Variants in DHRSX observed in about 807,000 individuals in gnomAD.
The protein encoded by DHRSX is polyprenol dehydrogenase.
A neutral mutation model predicts 34.0 loss-of-function variants in DHRSX; 31 were observed. The ratio of observed to expected loss-of-function variants is 0.91; its 90% CI spans 0.69 to 1.23. The LOEUF is 1.23. Among genes scored for constraint, DHRSX ranks in the 50% most tolerant of loss-of-function variants. The pLI, the probability that DHRSX is intolerant of heterozygous loss-of-function variation, is 0.00. For missense variants in DHRSX, 414 were observed against 428.1 expected, an observed-to-expected ratio of 0.97 and a Z score of 0.29; for synonymous variants, 201 against 183.8, an observed-to-expected ratio of 1.09 and a Z score of -0.76.
chrX:2,326,985 G>T (rs949515570), intron 3 of DHRSX, among the ~76,000 whole-genome samples: 1 of 151,804 alleles, frequency 6.6e-6, no homozygotes, highest in African/African-American at 2.4e-5. Context: ...CTAATTTTTC[G>T]TATTTTTAGT....
rs573970966 is a variant in DHRSX at position 2,257,191 on chromosome X, T to G, written c.596+9549A>C. Among the ~76,000 whole-genome samples, 16 of 152,308 alleles carry G rather than the reference T, an allele frequency of 1.1e-4. No homozygotes were observed. The South Asian group carries it at 3.3e-3, about 32-fold the overall frequency. ...GGCTGGTCTTGAACTCCTGACCTTGTGATCCACCTGCCTCGGCCTCCCGAA... is the reference window on the plus strand; with the variant it reads ...GGCTGGTCTTGAACTCCTGACCTTGGGATCCACCTGCCTCGGCCTCCCGAA... On this transcript the variant is annotated intron_variant, in intron 5 of 6. Transcript: ENST00000334651.
intron 6 of DHRSX, among the ~76,000 whole-genome samples, chrX:2,242,195 G>A (rs1391744831): frequency 1.3e-5 from 2 of 151,998 alleles, no homozygotes; most frequent in East Asian, 3.9e-4. Context: ...TATTTTGTGC[G>A]TTGATTTTTC....
intron 3 of DHRSX, among the ~76,000 whole-genome samples, chrX:2,371,027 G>A (rs908688523): frequency 2.6e-5 from 4 of 152,014 alleles, no homozygotes; most frequent in Non-Finnish European, 5.9e-5. Context: ...GTCACTGCTC[G>A]GGTGTGCTTC....
At chrX:2,407,169 A>T (rs781081330) in intron 3 of DHRSX, among the ~76,000 whole-genome samples, 1 of 152,320 alleles carries the variant, frequency 6.6e-6, no homozygotes, top group African/African-American at 2.4e-5. Context: ...CAGAAACCGA[A>T]AGTCAAATAC....
rs1391695851 is a variant in DHRSX, at chrX:2,242,729, C to T, written c.804+294G>A. ...GCCACGGCAATGTCAGGAAGTTACC[C>T]TCTACGGTCTAAAAAGGGGAGGCAT... is the stretch of plus-strand genomic sequence containing the variant. On this transcript the variant is annotated intron_variant, in intron 6 of 6. Coordinates refer to ENST00000334651, the MANE Select transcript of DHRSX (RefSeq NM_145177.3). 2.6e-5 allele frequency among the ~76,000 whole-genome samples: 4 copies of T among 152,222 alleles called. No individual in the cohort carries two copies. The South Asian group carries it at 6.2e-4, about 24-fold the overall frequency.
chrX:2,314,060 G>A (rs778887901), intron 3 of DHRSX, among the ~76,000 whole-genome samples: 1 of 151,542 alleles, frequency 6.6e-6, no homozygotes, highest in African/African-American at 2.4e-5. Flanking sequence ...CTCTCAGATA[G>A]CAGACTTCAG....
In DHRSX at chrX:2,243,070, A is replaced by G; in HGVS notation, c.757T>C (p.Trp253Arg). The change falls in exon 6 of 7, where the codon TGG (tryptophan) becomes CGG (arginine). Residue 253 changes from tryptophan to arginine, a missense_variant. Trp to Arg is a moderately radical substitution (Grantham distance 101, BLOSUM62 -3). Transcript: ENST00000334651. Reference sequence around the variant, plus strand: ...AGCTTCTTCGCCAGACGGGTGGCCCAGAACACGTGCTTGTAGACGTCCGTG... The same window carrying G: ...AGCTTCTTCGCCAGACGGGTGGCCCGGAACACGTGCTTGTAGACGTCCGTG... ...VNTDVYKHVFWATRLAKKLLG... is the reference protein window; with the variant it reads ...VNTDVYKHVFRATRLAKKLLG... The G allele has an allele frequency of 1.9e-6, 3 of 1,613,852 alleles. No individual in the cohort carries two copies. The highest frequency in any genetic ancestry group is 2.5e-6 in the Non-Finnish European group (3 of 1,179,838).
chrX:2,398,460 G>A (rs1306915735), intron 3 of DHRSX, among the ~76,000 whole-genome samples: 1 of 152,038 alleles, frequency 6.6e-6, no homozygotes, highest in Non-Finnish European at 1.5e-5. Flanking sequence ...CCTGAGGCTG[G>A]GAGTTGGAGA....
intron 6 of DHRSX, among the ~76,000 whole-genome samples, chrX:2,232,775 T>C (rs1233279781): frequency 7.2e-5 from 11 of 151,970 alleles, no homozygotes; most frequent in African/African-American, 2.7e-4. Flanking sequence ...GATTTCACCA[T>C]GTTGGCCAGG....
chrX:2,450,809 C>A (rs1284222443), intron 1 of DHRSX, among the ~76,000 whole-genome samples: 1 of 151,612 alleles, frequency 6.6e-6, no homozygotes, highest in African/African-American at 2.4e-5. Flanking sequence ...AGTTTGTATT[C>A]CTCCCCCAAA....
chrX:2,371,468 A>C (rs2043065956), intron 3 of DHRSX, among the ~76,000 whole-genome samples: 1 of 134,910 alleles, frequency 7.4e-6, no homozygotes, highest in Non-Finnish European at 1.6e-5. Flanking sequence ...CCTCCTCGTT[A>C]CCATAGACCC....
At chrX:2,470,146 A>C (rs765389932) in intron 1 of DHRSX, among the ~76,000 whole-genome samples, 2 of 140,268 alleles carry the variant, frequency 1.4e-5, no homozygotes, top group South Asian at 4.3e-4. Context: ...AACCAGGCAC[A>C]GAGAGACAAA....
At position 2,363,823 on chromosome X, in the gene DHRSX, G is replaced by A. The variant is rs770441086; in HGVS notation, c.286+44922C>T. ...TGCTGCCATTTCATCACTGTTCTAC[G>A]AATAATAACACATCAGCATCGAAGG... On this transcript the variant is annotated intron_variant, in intron 3 of 6. Coordinates refer to ENST00000334651, the MANE Select transcript of DHRSX (RefSeq NM_145177.3). 2.8e-4 allele frequency among the ~76,000 whole-genome samples: 43 copies of A among 152,106 alleles called. No individual in the cohort carries two copies. The South Asian group carries it at 7.7e-3, about 27-fold the overall frequency.
chrX:2,240,613 A>G (rs2016118302), intron 6 of DHRSX, among the ~76,000 whole-genome samples: 1 of 151,940 alleles, frequency 6.6e-6, no homozygotes, highest in African/African-American at 2.4e-5. Flanking sequence ...AACAAGCAGT[A>G]GACGCCCAAG....
At chrX:2,282,399 A>AGG (rs2041716827) in intron 4 of DHRSX, among the ~76,000 whole-genome samples, 1 of 145,076 alleles carries the variant, frequency 6.9e-6, no homozygotes, top group Non-Finnish European at 1.5e-5. Flanking sequence ...AGAGACAGAG[A>AGG]GAAAGAGAGA....
intron 6 of DHRSX, among the ~76,000 whole-genome samples, chrX:2,227,341 AG>A (rs1423048864): frequency 2.0e-5 from 3 of 151,154 alleles, no homozygotes; most frequent in Admixed American, 6.6e-5. Flanking sequence ...AAGAAAGAGA[AG>A]GAGAAAGAAA....
chrX:2,224,952 T>G (rs1442427753), intron 6 of DHRSX, among the ~76,000 whole-genome samples: 1 of 54,716 alleles, frequency 1.8e-5, no homozygotes, highest in Non-Finnish European at 3.1e-5. Context: ...TGTACACAGC[T>G]CACACACATG....
At chrX:2,288,167 G>GA (rs2052728229) in intron 4 of DHRSX, among the ~76,000 whole-genome samples, 1 of 152,094 alleles carries the variant, frequency 6.6e-6, no homozygotes, top group African/African-American at 2.4e-5. Flanking sequence ...GAAAGAGAGA[G>GA]AAGGGAAGAG....
chrX:2,264,562 C>A (rs1039647299), intron 5 of DHRSX, among the ~76,000 whole-genome samples: 1 of 150,966 alleles, frequency 6.6e-6, no homozygotes, highest in Admixed American at 6.6e-5. Context: ...GAGCACAATG[C>A]CCAGAGCACC....
Sources: allele counts gnomAD v4.1 joint callset (sites outside exome capture counted in the v4.1 genomes callset), GRCh38; gene constraint gnomAD v4.1.1; transcripts MANE v1.5; gene names NCBI Gene and HGNC (gene_info 2026-07-23, HGNC 2026-07-21).